The following HS3ST2 variants were observed in gnomAD, a reference collection of about 807,000 sequenced individuals.
HS3ST2 encodes heparan sulfate-glucosamine 3-sulfotransferase 2.
In HS3ST2, 17 loss-of-function variants were observed where a neutral mutation model predicts 26.3. The observed-to-expected ratio is 0.65, with a 90% CI of 0.44 to 0.97. The LOEUF (loss-of-function observed/expected upper bound fraction) is 0.97, where lower values mean the gene tolerates loss of function less well. Among genes scored for constraint, HS3ST2 ranks in the 50% least tolerant of loss-of-function variants. The pLI is 0.00. For missense variants in HS3ST2, 402 were observed against 501.2 expected (o/e 0.80, Z 1.89); for synonymous variants, 237 against 219.2 (o/e 1.08, Z -0.72).
At chr16:22,913,734 C>T (rs562179570) in intron 1 of HS3ST2, among the ~76,000 whole-genome samples, 11 of 152,284 alleles carry the variant, frequency 7.2e-5, no homozygotes, top group Admixed American at 7.2e-4. Flanking sequence ...GGTGCAGTGG[C>T]TTGTGCCTAT....
Position 22,872,195 on chromosome 16 carries a change from C to G in HS3ST2, c.486-42749C>G, listed in dbSNP as rs181987057. The stretch of plus-strand genomic sequence containing the variant: ...TGAGCATTAGGATTTCAAATGGCAG[C>G]CCTAGAGATAAACCCAAGTAAAAGA... On this transcript the variant is annotated intron_variant, in intron 1 of 1. Coordinates refer to ENST00000261374, the MANE Select transcript of HS3ST2 (RefSeq NM_006043.2). Among the ~76,000 whole-genome samples, 30 of 152,280 alleles carry G rather than the reference C, an allele frequency of 2.0e-4. No homozygotes were observed. In the East Asian group the frequency reaches 5.8e-3, roughly 29 times the overall value.
At chr16:22,888,475 C>G (rs1426998546) in intron 1 of HS3ST2, among the ~76,000 whole-genome samples, 3 of 150,518 alleles carry the variant, frequency 2.0e-5, no homozygotes, top group African/African-American at 7.3e-5. Flanking sequence ...CAACCTCCAC[C>G]TCCCGGGTTC....
At chr16:22,888,775 A>C (rs897589719) in intron 1 of HS3ST2, among the ~76,000 whole-genome samples, 2 of 152,182 alleles carry the variant, frequency 1.3e-5, no homozygotes, top group African/African-American at 4.8e-5. Flanking sequence ...ACTTCATCTG[A>C]GTATTAGTTT....
chr16:22,891,674 T>C (rs771558036), intron 1 of HS3ST2, among the ~76,000 whole-genome samples: 46 of 152,256 alleles, frequency 3.0e-4, no homozygotes, highest in Non-Finnish European at 5.7e-4. Context: ...GCAATATTTC[T>C]ATCTTCTTTC....
chr16:22,865,847 C>T (rs772346495), intron 1 of HS3ST2, among the ~76,000 whole-genome samples: 6 of 152,060 alleles, frequency 3.9e-5, no homozygotes, highest in Non-Finnish European at 7.4e-5. Context: ...AAGTAGGATT[C>T]CTTCTAAGGA....
chr16:22,877,723 T>C (rs1033091825), intron 1 of HS3ST2, among the ~76,000 whole-genome samples: 1 of 152,182 alleles, frequency 6.6e-6, no homozygotes, highest in Non-Finnish European at 1.5e-5. Flanking sequence ...TATTAGCACC[T>C]GATATGAGCC....
intron 1 of HS3ST2, among the ~76,000 whole-genome samples, chr16:22,886,292 T>C (rs1902057055): frequency 6.6e-6 from 1 of 152,178 alleles, no homozygotes; most frequent in Non-Finnish European, 1.5e-5. Flanking sequence ...CTGATACTAA[T>C]GGGCAGAAAA....
chr16:22,897,469 A>T (rs1014061608), intron 1 of HS3ST2, among the ~76,000 whole-genome samples: 1 of 152,150 alleles, frequency 6.6e-6, no homozygotes, highest in South Asian at 2.1e-4. Context: ...AAACTTTAGT[A>T]ATTGAAGGAC....
intron 1 of HS3ST2, among the ~76,000 whole-genome samples, chr16:22,832,465 A>T (rs1901185911): frequency 6.6e-6 from 1 of 152,000 alleles, no homozygotes; most frequent in Non-Finnish European, 1.5e-5. Flanking sequence ...TTTCATCCTT[A>T]TTATGAGTTA....
At chr16:22,870,902 C>T (rs1901827954) in intron 1 of HS3ST2, among the ~76,000 whole-genome samples, 2 of 152,168 alleles carry the variant, frequency 1.3e-5, no homozygotes, top group Admixed American at 6.5e-5. Context: ...TGATCCGTAA[C>T]TTACAATGGT....
At chr16:22,902,491 C>T (rs1902292872) in intron 1 of HS3ST2, among the ~76,000 whole-genome samples, 2 of 152,232 alleles carry the variant, frequency 1.3e-5, no homozygotes, top group Admixed American at 6.5e-5. Flanking sequence ...GATGCCTCCT[C>T]ATGTCAACTG....
In HS3ST2 at chr16:22,913,148, AAGGGAGGG is replaced by A. The variant is rs1187278304; in HGVS notation, c.486-1767_486-1760del. Among the ~76,000 whole-genome samples the A allele has an allele frequency of 1.6e-3, 142 of 88,124 alleles. 1 individual carries two copies. The highest frequency in any genetic ancestry group is 2.4e-3 in the African/African-American group (43 of 18,272). The allele number at this position is 88,124 out of a possible 152,430, so 57.8% of individuals were successfully genotyped here. ...AAAGGAAGGAAGGAAGGAAGGAAGG[AAGGGAGGG>A]AGGGAGGGAGGGAGGGAGGGAGGGA... is the stretch of plus-strand genomic sequence containing the variant. On this transcript the variant is annotated intron_variant, in intron 1 of 1. Transcript: ENST00000261374.
At position 22,847,050 on chromosome 16, in the gene HS3ST2, G is replaced by A. The variant is rs545604472; in HGVS notation, c.485+31955G>A. ...ATGTAGGTAAACTCATGCCATGGTG[G>A]GAGTTGTTGTACAGATTATTTCATC... is the stretch of plus-strand genomic sequence containing the variant. On this transcript the variant is annotated intron_variant, in intron 1 of 1. Transcript: ENST00000261374. 5.6e-3 allele frequency among the ~76,000 whole-genome samples: 859 copies of A among 152,158 alleles called. 12 individuals carry two copies. The highest frequency in any genetic ancestry group is 0.019 in the African/African-American group (805 of 41,514).
At chr16:22,819,812 A>G (rs918814081) in intron 1 of HS3ST2, among the ~76,000 whole-genome samples, 1 of 152,268 alleles carries the variant, frequency 6.6e-6, no homozygotes, top group African/African-American at 2.4e-5. Context: ...AATAAGATCT[A>G]TCACATTATC....
chr16:22,854,352 T>C (rs1901560682), intron 1 of HS3ST2, among the ~76,000 whole-genome samples: 1 of 152,178 alleles, frequency 6.6e-6, no homozygotes, highest in African/African-American at 2.4e-5. Context: ...TTAGTCTCTT[T>C]TTTATGAATT....
intron 1 of HS3ST2, among the ~76,000 whole-genome samples, chr16:22,822,868 A>G (rs1567479627): frequency 6.6e-6 from 1 of 152,000 alleles, no homozygotes; most frequent in East Asian, 1.9e-4. Context: ...AAAAAAAAAA[A>G]AAGAAAGAAA....
chr16:22,870,276 G>A (rs186153134), intron 1 of HS3ST2, among the ~76,000 whole-genome samples: 3 of 151,978 alleles, frequency 2.0e-5, no homozygotes, highest in Admixed American at 1.3e-4. Flanking sequence ...ATAACCTGTG[G>A]GGGCAGGAAT....
intron 1 of HS3ST2, among the ~76,000 whole-genome samples, chr16:22,913,127 GAA>G: frequency 2.3e-5 from 2 of 86,790 alleles, no homozygotes; most frequent in Non-Finnish European, 4.5e-5. Context: ...AGAAAGAAAG[GAA>G]GGAAGGAAGG....
chr16:22,814,725 T>G lies in HS3ST2; in HGVS notation c.115T>G (p.Cys39Gly), dbSNP rs189013090. 33,336 of 1,609,382 alleles carry G rather than the reference T, an allele frequency of 0.021. 471 individuals carry two copies. The highest frequency in any genetic ancestry group is 0.024 in the Non-Finnish European group (28,018 of 1,178,582). The stretch of plus-strand genomic sequence containing the variant: ...CACTTACCTGTGTTACAGCTTCCTG[T>G]GCTGCTGCGACGACCTGGGTCGGAG... The part of the protein sequence containing the change: ...SCTYLCYSFL[C>G]CCDDLGRSRL... The change falls in exon 1 of 2, where the codon TGC (cysteine) becomes GGC (glycine). Residue 39 changes from cysteine to glycine, a missense_variant. By Grantham distance (159) the Cys-to-Gly change is radical. Around this residue, in one of 2 missense-constraint regions of HS3ST2, gnomAD observed 165 missense variants for 154.6 expected, o/e 1.07. Transcript: ENST00000261374.
Sources: gnomAD v4.1 joint callset for allele counts (sites outside exome capture counted in the v4.1 genomes callset) on GRCh38, gnomAD v4.1.1 for gene constraint, gnomAD v4.1.1 regional missense constraint, MANE v1.5 for transcripts, NCBI Gene and HGNC (gene_info 2026-07-23, HGNC 2026-07-21) for gene names.